DDX50: variants seen among roughly 807,000 people sequenced by gnomAD.
The protein encoded by DDX50 is DExD-box helicase 50.
In DDX50, 56 loss-of-function variants were observed where a neutral mutation model predicts 94.8. The observed-to-expected ratio is 0.59, with a 90% confidence interval of 0.48 to 0.74. DDX50 has a LOEUF of 0.74. DDX50 is among the 30% of genes least tolerant of loss of function. The probability of loss-of-function intolerance (pLI) is 0.00; values close to 1 mark genes in which losing one functional copy is unlikely to be tolerated. For missense variants in DDX50, 713 were observed against 881.2 expected (o/e 0.81, Z 2.42); for synonymous variants, 264 against 295.4 (o/e 0.89, Z 1.09).
chr10:68,906,619 C>T (rs1841450640), intron 1 of DDX50, 92 bp from the exon 2 acceptor site: 3 of 1,398,134 alleles, frequency 2.1e-6, no homozygotes, highest in Non-Finnish European at 3.0e-6. Flanking sequence ...GTAGATTGAG[C>T]TGAACTGGTG....
intron 8 of DDX50, among the ~76,000 whole-genome samples, chr10:68,932,181 G>A (rs1354950796): frequency 1.3e-5 from 2 of 152,220 alleles, no homozygotes; most frequent in African/African-American, 4.8e-5. Flanking sequence ...CAGATAGCAA[G>A]TGCTCACTGA....
At chr10:68,940,526 C>T (rs553270705) in intron 12 of DDX50, among the ~76,000 whole-genome samples, 65 of 151,966 alleles carry the variant, frequency 4.3e-4, no homozygotes, top group African/African-American at 1.5e-3. Flanking sequence ...CTCCTGGGCT[C>T]AAGCCTCCCA....
chr10:68,913,665 G>A, intron 6 of DDX50, 89 bp downstream of exon 6: 2 of 1,272,368 alleles, frequency 1.6e-6, no homozygotes, highest in Non-Finnish European at 2.1e-6. Flanking sequence ...TTATTGCAGT[G>A]TCCCCTGCGT....
chr10:68,929,308 T>TTC lies in DDX50; in HGVS notation c.1240-4891_1240-4890insTC, dbSNP rs1205482770. ...TCCTTCCTTCCTCTCTCTCTCTCTCTCTCTCTTTCTTTCTCTTTCTTTCTT... is the reference window on the plus strand; with the variant it reads ...TCCTTCCTTCCTCTCTCTCTCTCTCTTCCTCTCTTTCTTTCTCTTTCTTTCTT... On this transcript the variant is annotated intron_variant, in intron 8 of 14. Coordinates refer to ENST00000373585, the MANE Select transcript of DDX50 (RefSeq NM_024045.2). 8.1e-3 allele frequency among the ~76,000 whole-genome samples: 1,056 copies of TTC among 129,814 alleles called. 11 individuals carry two copies. Among genetic ancestry groups the TTC allele is most frequent in the African/African-American group, 0.03 (992 of 33,492 alleles). 85.2% of individuals were successfully genotyped at this position (129,814 alleles called of 152,430 possible). A position where few individuals can be genotyped will look rare whatever the true frequency, so the allele number is the denominator to read the frequency against.
At chr10:68,936,515 A>AAAAT (rs1842418839) in intron 11 of DDX50, among the ~76,000 whole-genome samples, 7 of 53,144 alleles carry the variant, frequency 1.3e-4, no homozygotes, top group Admixed American at 3.6e-4. Flanking sequence ...AAAAAAAAAA[A>AAAAT]ATATATATAT....
Position 68,921,178 on chromosome 10 carries a change from T to A in DDX50, c.1239+1197T>A, listed in dbSNP as rs534243921. ...TTTGGTTATGTATCTCTAAAAAGGA[T>A]TTTCAAAAAAAAAAATAACAATACT... On this transcript the variant is annotated intron_variant, in intron 8 of 14. Transcript: ENST00000373585. 2.8e-5 allele frequency among the ~76,000 whole-genome samples: 4 copies of A among 143,762 alleles called. No homozygotes were observed. In the South Asian group the frequency reaches 9.5e-4, roughly 34 times the overall value. 94.3% of individuals were successfully genotyped at this position (143,762 alleles called of 152,430 possible).
rs186253746 is a variant in DDX50, at chr10:68,903,261, G to A, written c.87+1790G>A. On this transcript the variant is annotated intron_variant, in intron 1 of 14. Coordinates refer to ENST00000373585, the MANE Select transcript of DDX50 (RefSeq NM_024045.2). ...AAAATAAAAAAATTAGCCGGGTGCGGTGGCTCATGCCTGTAATCCCAGCAC... is the reference window on the plus strand; with the variant it reads ...AAAATAAAAAAATTAGCCGGGTGCGATGGCTCATGCCTGTAATCCCAGCAC... Among the ~76,000 whole-genome samples, 368 of 152,294 alleles carry A rather than the reference G, an allele frequency of 2.4e-3. 2 individuals are homozygous for A. The highest frequency in any genetic ancestry group is 8.5e-3 in the African/African-American group (353 of 41,570).
chr10:68,923,303 C>T (rs1228802193), intron 8 of DDX50, among the ~76,000 whole-genome samples: 2 of 146,426 alleles, frequency 1.4e-5, no homozygotes, highest in Non-Finnish European at 3.0e-5. Context: ...CTTCACCTCC[C>T]AGGTTCAAGT....
At chr10:68,904,144 C>CAAAA (rs34351981) in intron 1 of DDX50, among the ~76,000 whole-genome samples, 2 of 108,416 alleles carry the variant, frequency 1.8e-5, no homozygotes, top group Admixed American at 1.0e-4. Flanking sequence ...AACTCCGTCT[C>CAAAA]AAAAAAAAAA....
At chr10:68,926,216 C>A (rs1842086505) in intron 8 of DDX50, among the ~76,000 whole-genome samples, 1 of 137,390 alleles carries the variant, frequency 7.3e-6, no homozygotes, top group Non-Finnish European at 1.6e-5. Context: ...AAATAAAGTC[C>A]TTTATAAACA....
intron 14 of DDX50, 104 bp downstream of exon 14, chr10:68,943,361 C>A: frequency 2.3e-6 from 2 of 888,640 alleles, no homozygotes; most frequent in South Asian, 1.7e-5. Context: ...ATGCCTAAAT[C>A]AATGAGGAAT....
At chr10:68,918,150 C>T (rs949979530) in intron 7 of DDX50, among the ~76,000 whole-genome samples, 1 of 152,142 alleles carries the variant, frequency 6.6e-6, no homozygotes, top group African/African-American at 2.4e-5. Flanking sequence ...GTTCAAACTC[C>T]TGACCTCAGG....
At chr10:68,929,292 C>CCTCT (rs1167345123) in intron 8 of DDX50, among the ~76,000 whole-genome samples, 1 of 122,630 alleles carries the variant, frequency 8.2e-6, no homozygotes, top group African/African-American at 3.1e-5. Flanking sequence ...TTCCTTCCTT[C>CCTCT]CTCTCTCTCT....
At chr10:68,905,369 C>A (rs953382505) in intron 1 of DDX50, among the ~76,000 whole-genome samples, 1 of 150,388 alleles carries the variant, frequency 6.6e-6, no homozygotes, top group Non-Finnish European at 1.5e-5. Context: ...AAAAAAAAAT[C>A]CAGGATTACT....
At chr10:68,932,178 C>G (rs1842290084) in intron 8 of DDX50, among the ~76,000 whole-genome samples, 1 of 152,188 alleles carries the variant, frequency 6.6e-6, no homozygotes, top group Non-Finnish European at 1.5e-5. Flanking sequence ...AGGCAGATAG[C>G]AAGTGCTCAC....
In DDX50 at chr10:68,913,266, A is replaced by G. The variant is rs372256885; in HGVS notation, c.744A>G (p.Ser248=). 6 of 1,612,518 alleles carry G rather than the reference A, an allele frequency of 3.7e-6. No individual in the cohort carries two copies. The African/African-American group carries it at 6.7e-5, about 18-fold the overall frequency. The part of the protein sequence containing the change: ...LSVACFYGGT[S]YQSQINHIRN... ...TGGCGTGTTTTTATGGTGGAACATC[A>G]TATCAAAGCCAAAGTGAGTAAATAT... The change falls in exon 5 of 15, where the codon TCA becomes TCG. Residue 248 remains serine (S), a synonymous_variant. Coordinates refer to ENST00000373585, the MANE Select transcript of DDX50 (RefSeq NM_024045.2).
At position 68,934,771 on chromosome 10, in the gene DDX50, A is replaced by T. The variant is rs534152345; in HGVS notation, c.1402-28A>T. On this transcript the variant is annotated intron_variant, in intron 9 of 14. Coordinates refer to ENST00000373585, the MANE Select transcript of DDX50 (RefSeq NM_024045.2). The surrounding 1 kb of genome is among the most constrained non-coding windows in gnomAD (Gnocchi z 4.0). ...AATGACTGCAACTTGCTAGATTTTT[A>T]AAAAATATTACCTTTTATAATCTTT... The T allele has an allele frequency of 1.5e-4, 232 of 1,565,222 alleles. 1 individual carries two copies. The African/African-American group carries it at 2.5e-3, about 17-fold the overall frequency.
At chr10:68,929,282 TTCCTTCCTTC>T (rs765659223) in intron 8 of DDX50, among the ~76,000 whole-genome samples, 3 of 77,852 alleles carry the variant, frequency 3.9e-5, no homozygotes, top group African/African-American at 1.3e-4. Context: ...CCTTCCTTCC[TTCCTTCCTTC>T]CTCTCTCTCT....
intron 2 of DDX50, among the ~76,000 whole-genome samples, chr10:68,907,499 A>G (rs779503663): frequency 1.9e-4 from 29 of 151,672 alleles, no homozygotes; most frequent in Non-Finnish European, 4.0e-4. Context: ...TATTTTTAGT[A>G]GAGACGGTGT....
Sources: gnomAD v4.1 joint callset for allele counts (sites outside exome capture counted in the v4.1 genomes callset) on GRCh38, gnomAD v4.1.1 for gene constraint, Gnocchi (gnomAD v3.1) non-coding constraint, MANE v1.5 for transcripts, NCBI Gene and HGNC (gene_info 2026-07-23, HGNC 2026-07-21) for gene names.